CFAP251: variants seen among roughly 807,000 people sequenced by gnomAD.
CFAP251 encodes the protein cilia- and flagella-associated protein 251.
Under a neutral mutation model 126.7 loss-of-function variants are expected in CFAP251, and 93 were observed. That is an observed-to-expected ratio of 0.73 (90% CI 0.62 to 0.87). The LOEUF (loss-of-function observed/expected upper bound fraction) is 0.87, where lower values mean the gene tolerates loss of function less well. CFAP251 is among the 40% of genes least tolerant of loss of function. CFAP251 has a pLI of 0.00. For synonymous variants in CFAP251, 503 were observed against 506.9 expected (o/e 0.99, Z 0.10); for missense variants, 1,287 against 1,389.2 (o/e 0.93, Z 1.17).
intron 9 of CFAP251, among the ~76,000 whole-genome samples, chr12:121,951,880 G>A (rs1164652615): frequency 2.0e-5 from 3 of 151,802 alleles, no homozygotes; most frequent in Non-Finnish European, 2.9e-5. Flanking sequence ...CACCACGCCC[G>A]GCTAATTTTT....
Position 121,974,163 on chromosome 12 carries a change from A to G in CFAP251, c.2772-1081A>G, listed in dbSNP as rs1485799260. On this transcript the variant is annotated intron_variant, in intron 17 of 21. Coordinates refer to ENST00000288912, the MANE Select transcript of CFAP251 (RefSeq NM_144668.6). This position sits in a 1 kb window ranked among gnomAD's most constrained non-coding sequence, Gnocchi z 4.6. ...AAGTCTCATGAGATCTGATGGTTTG[A>G]TAAGGGGAAACCTGATTCACTTGGT... is the stretch of plus-strand genomic sequence containing the variant. Among the ~76,000 whole-genome samples the G allele has an allele frequency of 6.6e-6, 1 of 152,102 alleles. No homozygotes were observed. The highest frequency in any genetic ancestry group is 1.9e-4 in the East Asian group (1 of 5,182).
At chr12:121,981,362 C>T (rs1043448489) in intron 19 of CFAP251, among the ~76,000 whole-genome samples, 3 of 151,894 alleles carry the variant, frequency 2.0e-5, no homozygotes, top group African/African-American at 7.3e-5. Context: ...CCCAGCTTCT[C>T]GGGAGGCTGA....
chr12:121,966,921 G>T, intron 15 of CFAP251, 34 bp from the exon 16 acceptor site: 2 of 1,597,134 alleles, frequency 1.3e-6, no homozygotes, highest in Non-Finnish European at 1.7e-6. Flanking sequence ...GAGATTTGTG[G>T]AATTTTAAAA....
At chr12:121,997,487 GA>G (rs1294953403) in intron 19 of CFAP251, 2 of 151,196 alleles carry the variant, frequency 1.3e-5, no homozygotes, top group Non-Finnish European at 2.9e-5. Context: ...CAGCCTGGGT[GA>G]TAGAGCGAGA....
At chr12:121,945,965 C>T (rs1881310836) in intron 7 of CFAP251, among the ~76,000 whole-genome samples, 1 of 152,202 alleles carries the variant, frequency 6.6e-6, no homozygotes, top group Admixed American at 6.5e-5. Context: ...CATGCCTGGC[C>T]ATATTTTTAA....
At position 121,958,281 on chromosome 12, in the gene CFAP251, C is replaced by G. The variant is rs746665740; in HGVS notation, c.1740C>G (p.Ile580Met). The G allele has an allele frequency of 6.2e-7, 1 of 1,613,734 alleles. No individual in the cohort carries two copies. Among genetic ancestry groups the G allele is most frequent in the East Asian group, 2.2e-5 (1 of 44,854 alleles). Residue 580 changes from isoleucine to methionine, a missense_variant, in exon 12 of 22, where the codon ATC (isoleucine) becomes ATG (methionine). Transcript: ENST00000288912. ...KGDLFVLRNF[I>M]IGTSDAAVYH... The stretch of plus-strand genomic sequence containing the variant: ...TCTCCTTGGCAAACAGGAATTTTAT[C>G]ATTGGAACATCTGATGCCGCGGTGT...
At chr12:121,975,453 T>G in intron 18 of CFAP251, 89 bp from the exon 19 acceptor site, 1 of 1,581,120 alleles carries the variant, frequency 6.3e-7, no homozygotes, top group Non-Finnish European at 8.6e-7. Context: ...GCTTAAAAGG[T>G]ACTTTCTAGA....
At chr12:121,980,304 A>T (rs1349501236) in intron 19 of CFAP251, among the ~76,000 whole-genome samples, 1 of 152,066 alleles carries the variant, frequency 6.6e-6, no homozygotes, top group Admixed American at 6.6e-5. Flanking sequence ...CATCTACAAA[A>T]TGAGTGCAGC....
chr12:121,923,034 A>G (rs1196936049), intron 2 of CFAP251, among the ~76,000 whole-genome samples: 1 of 151,856 alleles, frequency 6.6e-6, no homozygotes, highest in Non-Finnish European at 1.5e-5. Context: ...TGACCTCGTG[A>G]TCTGCCCGCC....
chr12:121,927,627 CT>C (rs372776150), intron 3 of CFAP251, among the ~76,000 whole-genome samples: 120 of 152,198 alleles, frequency 7.9e-4, no homozygotes, highest in African/African-American at 2.5e-3. Context: ...AACTGTTCCC[CT>C]TTCTGTGGCC....
intron 5 of CFAP251, among the ~76,000 whole-genome samples, chr12:121,936,202 G>A (rs12824593): frequency 0.32 from 48,674 of 152,122 alleles, 10,099 homozygotes; most frequent in Non-Finnish European, 0.47. Flanking sequence ...TGCACTTTGG[G>A]AGCCTCCCAG....
chr12:121,952,253 A>T (rs1221292833), intron 9 of CFAP251, among the ~76,000 whole-genome samples: 1 of 72,288 alleles, frequency 1.4e-5, no homozygotes, highest in Non-Finnish European at 3.1e-5. Flanking sequence ...AAAAAAAAAA[A>T]AAAAAAAAAA....
At chr12:121,933,359 G>C (rs1379380640) in intron 4 of CFAP251, 1 of 152,658 alleles carries the variant, frequency 6.6e-6, no homozygotes, top group Admixed American at 6.5e-5. Flanking sequence ...AGGCCTGTGT[G>C]TGGGGCCTGG....
intron 19 of CFAP251, chr12:121,998,804 C>T (rs1406975540): frequency 2.0e-5 from 3 of 147,192 alleles, no homozygotes; most frequent in East Asian, 2.1e-4. Context: ...GTGAGAGGAT[C>T]GCCTGAACCT....
intron 19 of CFAP251, among the ~76,000 whole-genome samples, chr12:121,980,686 A>G (rs1432638086): frequency 6.6e-6 from 1 of 152,156 alleles, no homozygotes; most frequent in Non-Finnish European, 1.5e-5. Flanking sequence ...ATGTTGCCTC[A>G]GATGTCTCAC....
At chr12:121,945,380 G>A (rs571206393) in intron 7 of CFAP251, among the ~76,000 whole-genome samples, 2 of 151,456 alleles carry the variant, frequency 1.3e-5, no homozygotes, top group African/African-American at 4.8e-5. Context: ...GTCTCATTCT[G>A]TTGCCCAGGC....
rs1044180066 is a variant in CFAP251, at chr12:121,921,756, A to C, written c.378+73A>C. The C allele has an allele frequency of 7.5e-5, 105 of 1,395,476 alleles. No homozygotes were observed. The Middle Eastern group carries it at 2.6e-3, about 35-fold the overall frequency. 86.4% of individuals were successfully genotyped at this position (1,395,476 alleles called of 1,614,324 possible). On this transcript the variant is annotated intron_variant, in intron 2 of 21. Coordinates refer to ENST00000288912, the MANE Select transcript of CFAP251 (RefSeq NM_144668.6). ...TTGAATGCTTAGTATAGGCCAGACT[A>C]TGGGAACACAAAACCAAATAAGGTA...
chr12:121,928,659 TATATATATAC>T lies in CFAP251; in HGVS notation c.748-3086_748-3077del, dbSNP rs1260235769. 4.1e-4 allele frequency among the ~76,000 whole-genome samples: 10 copies of T among 24,674 alleles called. 1 individual carries two copies. The highest frequency in any genetic ancestry group is 7.5e-4 in the African/African-American group (10 of 13,254). 16.2% of individuals were successfully genotyped at this position (24,674 alleles called of 152,430 possible). A position where few individuals can be genotyped will look rare whatever the true frequency, so the allele number is the denominator to read the frequency against. On this transcript the variant is annotated intron_variant, in intron 3 of 21. Transcript: ENST00000288912. ...ATACGTATATATATATATATATACG[TATATATATAC>T]GTATATATATATATATATACGTATA...
At chr12:121,993,754 G>A (rs1366048838) in intron 19 of CFAP251, among the ~76,000 whole-genome samples, 3 of 151,580 alleles carry the variant, frequency 2.0e-5, no homozygotes, top group South Asian at 2.1e-4. Flanking sequence ...TGAGAAGTGA[G>A]GAGCCCCTCT....
Sources: allele counts gnomAD v4.1 joint callset (sites outside exome capture counted in the v4.1 genomes callset), GRCh38; gene constraint gnomAD v4.1.1; non-coding constraint Gnocchi (gnomAD v3.1); transcripts MANE v1.5; gene names NCBI Gene and HGNC (gene_info 2026-07-23, HGNC 2026-07-21).